The following WWOX variants were observed in gnomAD, a reference collection of about 807,000 sequenced individuals.
WWOX encodes the protein WW domain containing oxidoreductase.
In WWOX, 69 loss-of-function variants were observed where a neutral mutation model predicts 46.2. That is an observed-to-expected ratio of 1.49 (90% CI 1.23 to 1.82). The LOEUF is 1.82. WWOX is among the 40% of genes most tolerant of loss of function. The pLI, the probability that WWOX is intolerant of heterozygous loss-of-function variation, is 0.00. For synonymous variants in WWOX, 359 were observed against 202.6 expected (o/e 1.77, Z -6.56); for missense variants, 919 against 542.6 (o/e 1.69, Z -6.89).
intron 8 of WWOX, among the ~76,000 whole-genome samples, chr16:79,023,170 T>A (rs1027525814): frequency 3.9e-5 from 6 of 152,216 alleles, no homozygotes; most frequent in Admixed American, 3.9e-4. Flanking sequence ...TGCACACACT[T>A]GACCTAATGG....
chr16:78,736,117 G>C (rs2049085994), intron 8 of WWOX, among the ~76,000 whole-genome samples: 2 of 152,170 alleles, frequency 1.3e-5, no homozygotes, highest in African/African-American at 4.8e-5. Context: ...GACAGGTGAG[G>C]AAAACAACAT....
intron 8 of WWOX, among the ~76,000 whole-genome samples, chr16:78,926,545 T>A (rs752584986): frequency 1.1e-4 from 16 of 152,310 alleles, no homozygotes; most frequent in Non-Finnish European, 1.5e-4. Context: ...AAACTTGTTT[T>A]CAGTCATTTT....
At chr16:78,936,454 C>G (rs1471950141) in intron 8 of WWOX, among the ~76,000 whole-genome samples, 1 of 152,072 alleles carries the variant, frequency 6.6e-6, no homozygotes, top group Non-Finnish European at 1.5e-5. Context: ...GTAGGCTTAG[C>G]TACTCAGTGA....
intron 8 of WWOX, among the ~76,000 whole-genome samples, chr16:78,800,819 C>T (rs2050866802): frequency 6.6e-6 from 1 of 152,216 alleles, no homozygotes; most frequent in Non-Finnish European, 1.5e-5. Flanking sequence ...CTTGAGATAG[C>T]ATCTCCTCCC....
intron 8 of WWOX, among the ~76,000 whole-genome samples, chr16:78,630,279 G>A (rs1403677687): frequency 1.3e-5 from 2 of 152,154 alleles, no homozygotes; most frequent in African/African-American, 4.8e-5. Flanking sequence ...ACAGCAGACT[G>A]TCGCAAGCTT....
intron 8 of WWOX, among the ~76,000 whole-genome samples, chr16:79,187,318 A>G (rs1003839542): frequency 2.0e-5 from 3 of 152,176 alleles, no homozygotes; most frequent in Admixed American, 6.5e-5. Context: ...GGTGCCCCCA[A>G]ACATGGATTT....
intron 8 of WWOX, among the ~76,000 whole-genome samples, chr16:78,935,287 A>T (rs555169908): frequency 2.0e-5 from 3 of 152,236 alleles, no homozygotes; most frequent in Non-Finnish European, 2.9e-5. Flanking sequence ...TCATGCTGCT[A>T]TAAAGACACA....
chr16:78,507,982 A>G (rs1042578826), intron 8 of WWOX, among the ~76,000 whole-genome samples: 2 of 119,646 alleles, frequency 1.7e-5, no homozygotes, highest in Admixed American at 1.0e-4. Flanking sequence ...GTGTTTTTTG[A>G]TTTTTGGTTG....
chr16:78,831,619 G>T (rs1207503924), intron 8 of WWOX, among the ~76,000 whole-genome samples: 1 of 152,174 alleles, frequency 6.6e-6, no homozygotes, highest in Non-Finnish European at 1.5e-5. Flanking sequence ...GGGTCACTCA[G>T]TCTTTCTTTT....
At chr16:79,050,156 C>A (rs572504467) in intron 8 of WWOX, among the ~76,000 whole-genome samples, 11 of 152,170 alleles carry the variant, frequency 7.2e-5, no homozygotes, top group Non-Finnish European at 1.6e-4. Context: ...ATTTACTTCT[C>A]ACGTGTGTGT....
At chr16:78,621,965 T>C (rs912525554) in intron 8 of WWOX, among the ~76,000 whole-genome samples, 4 of 152,096 alleles carry the variant, frequency 2.6e-5, no homozygotes, top group African/African-American at 9.7e-5. Flanking sequence ...GTACTGGTTT[T>C]TCTTGATGTT....
At chr16:78,337,965 C>G (rs1267576908) in intron 5 of WWOX, among the ~76,000 whole-genome samples, 1 of 117,718 alleles carries the variant, frequency 8.5e-6, no homozygotes, top group Non-Finnish European at 2.0e-5. Context: ...AGAGACCTCA[C>G]AAGATGCTTT....
At chr16:78,555,078 G>T (rs971323558) in intron 8 of WWOX, among the ~76,000 whole-genome samples, 1 of 149,740 alleles carries the variant, frequency 6.7e-6, no homozygotes, top group South Asian at 2.1e-4. Flanking sequence ...GCCAGGGTGG[G>T]TTTGGAAGGA....
intron 8 of WWOX, among the ~76,000 whole-genome samples, chr16:79,185,446 C>T (rs1163752294): frequency 6.6e-6 from 1 of 152,060 alleles, no homozygotes; most frequent in African/African-American, 2.4e-5. Flanking sequence ...CAATTTTTTT[C>T]TTTAACAATT....
At chr16:78,444,897 A>T (rs2083523076) in intron 8 of WWOX, among the ~76,000 whole-genome samples, 1 of 152,146 alleles carries the variant, frequency 6.6e-6, no homozygotes, top group Non-Finnish European at 1.5e-5. Flanking sequence ...TGCTGCTGTT[A>T]CTGTTTTTCC....
At chr16:79,063,036 AAAG>A (rs1180346629) in intron 8 of WWOX, among the ~76,000 whole-genome samples, 1 of 152,222 alleles carries the variant, frequency 6.6e-6, no homozygotes, top group East Asian at 1.9e-4. Context: ...TGAATGCAGC[AAAG>A]AAGAGGGAGG....
At chr16:79,084,819 A>C (rs2048824639) in intron 8 of WWOX, among the ~76,000 whole-genome samples, 1 of 152,248 alleles carries the variant, frequency 6.6e-6, no homozygotes, top group Non-Finnish European at 1.5e-5. Context: ...AGTGACATAA[A>C]GTAGGACATG....
At chr16:78,179,793 A>G (rs773222646) in intron 5 of WWOX, 2 of 152,252 alleles carry the variant, frequency 1.3e-5, no homozygotes, top group African/African-American at 2.4e-5. Context: ...AGAGGTGCGT[A>G]CCATAGGGAT....
At chr16:78,882,501 G>C (rs2044363645) in intron 8 of WWOX, among the ~76,000 whole-genome samples, 1 of 150,582 alleles carries the variant, frequency 6.6e-6, no homozygotes, top group Non-Finnish European at 1.5e-5. Context: ...AATTGAGATG[G>C]GGTCTCACTC....
Sources: allele counts gnomAD v4.1 joint callset (sites outside exome capture counted in the v4.1 genomes callset), GRCh38; gene constraint gnomAD v4.1.1; transcripts MANE v1.5; gene names NCBI Gene and HGNC (gene_info 2026-07-23, HGNC 2026-07-21).